LIN28B: variants seen among roughly 807,000 people sequenced by gnomAD.
LIN28B encodes lin-28 RNA binding posttranscriptional regulator B.
Under a neutral mutation model 21.9 loss-of-function variants are expected in LIN28B, and 5 were observed. The observed-to-expected ratio is 0.23, with a 90% CI of 0.12 to 0.48. The LOEUF (loss-of-function observed/expected upper bound fraction) is 0.48, where lower values mean the gene tolerates loss of function less well. LIN28B is among the 20% of genes least tolerant of loss of function. The pLI, the probability that LIN28B is intolerant of heterozygous loss-of-function variation, is 0.98. For synonymous variants in LIN28B, 109 were observed against 111.3 expected (o/e 0.98, Z 0.13); for missense variants, 245 against 310.5 (o/e 0.79, Z 1.58).
At chr6:105,009,622 C>T (rs1770883054) in intron 2 of LIN28B, among the ~76,000 whole-genome samples, 1 of 152,120 alleles carries the variant, frequency 6.6e-6, no homozygotes, top group African/African-American at 2.4e-5. Context: ...CATCAACTGT[C>T]ATTGCAATAA....
intron 2 of LIN28B, among the ~76,000 whole-genome samples, chr6:105,013,835 A>C (rs747434956): frequency 1.3e-5 from 2 of 152,064 alleles, no homozygotes; most frequent in Non-Finnish European, 2.9e-5. Flanking sequence ...CTACATTGTC[A>C]ATTTTATTGC....
intron 3 of LIN28B, among the ~76,000 whole-genome samples, chr6:105,050,459 G>A (rs1191290649): frequency 1.1e-4 from 16 of 151,504 alleles, no homozygotes; most frequent in African/African-American, 1.7e-4. Context: ...AAAATTAGCC[G>A]GGCGCGGTGG....
chr6:105,038,255 A>G (rs1159529949), intron 3 of LIN28B, among the ~76,000 whole-genome samples: 1 of 152,230 alleles, frequency 6.6e-6, no homozygotes, highest in African/African-American at 2.4e-5. Flanking sequence ...TTAGAGAAAT[A>G]GTCATTAACC....
chr6:105,048,118 C>T (rs1400469816), intron 3 of LIN28B, among the ~76,000 whole-genome samples: 1 of 152,160 alleles, frequency 6.6e-6, no homozygotes, highest in Admixed American at 6.5e-5. Flanking sequence ...GGAATGCTTC[C>T]AGTTTTTGCC....
At chr6:105,013,723 CAA>C (rs11330582) in intron 2 of LIN28B, among the ~76,000 whole-genome samples, 324 of 137,436 alleles carry the variant, frequency 2.4e-3, no homozygotes, top group Middle Eastern at 3.8e-3. Flanking sequence ...GACCCTGTCT[CAA>C]AAAAAAAAAA....
chr6:104,960,571 A>G (rs1769718982), intron 2 of LIN28B, among the ~76,000 whole-genome samples: 1 of 151,984 alleles, frequency 6.6e-6, no homozygotes, highest in Non-Finnish European at 1.5e-5. Flanking sequence ...TATATGACAT[A>G]GTTTTTTTTG....
intron 2 of LIN28B, among the ~76,000 whole-genome samples, chr6:104,960,306 A>G (rs1769704604): frequency 6.6e-6 from 1 of 152,196 alleles, no homozygotes; most frequent in Non-Finnish European, 1.5e-5. Flanking sequence ...AACTACAAGT[A>G]ACAGATGGTT....
intron 2 of LIN28B, among the ~76,000 whole-genome samples, chr6:104,945,346 T>G (rs900845826): frequency 1.3e-5 from 2 of 152,082 alleles, no homozygotes; most frequent in African/African-American, 4.8e-5. Context: ...TTGAAAATAT[T>G]TAGAATACAC....
At chr6:104,963,715 T>C (rs1005384191) in intron 2 of LIN28B, among the ~76,000 whole-genome samples, 23 of 152,326 alleles carry the variant, frequency 1.5e-4, no homozygotes, top group African/African-American at 5.3e-4. Context: ...TTTGTTTCAA[T>C]TAATGAATGT....
intron 3 of LIN28B, among the ~76,000 whole-genome samples, chr6:105,058,323 C>T (rs532291774): frequency 6.6e-6 from 1 of 152,300 alleles, no homozygotes; most frequent in South Asian, 2.1e-4. Context: ...CTTTTCCCTT[C>T]TTTGAGGTAA....
At chr6:105,055,162 C>T (rs1771997949) in intron 3 of LIN28B, among the ~76,000 whole-genome samples, 1 of 152,046 alleles carries the variant, frequency 6.6e-6, no homozygotes, top group South Asian at 2.1e-4. Flanking sequence ...TTCGGTTTCT[C>T]TGAGCTTTTT....
chr6:105,029,825 G>T (rs576589346), intron 3 of LIN28B, among the ~76,000 whole-genome samples: 1 of 152,252 alleles, frequency 6.6e-6, no homozygotes, highest in East Asian at 1.9e-4. Flanking sequence ...AATGACAAAG[G>T]GCACTGGAGA....
At chr6:105,071,312 G>T (rs568360460) in intron 3 of LIN28B, among the ~76,000 whole-genome samples, 58 of 152,162 alleles carry the variant, frequency 3.8e-4, no homozygotes, top group Middle Eastern at 3.4e-3. Flanking sequence ...TTGTCTTGGA[G>T]ATCTTTGCAT....
At chr6:104,995,820 C>G (rs1770587115) in intron 2 of LIN28B, among the ~76,000 whole-genome samples, 1 of 151,644 alleles carries the variant, frequency 6.6e-6, no homozygotes, top group Non-Finnish European at 1.5e-5. Context: ...ACATGATGAA[C>G]TAAATATAAA....
chr6:105,055,719 T>C (rs1772008399), intron 3 of LIN28B, among the ~76,000 whole-genome samples: 2 of 152,154 alleles, frequency 1.3e-5, no homozygotes, highest in Admixed American at 1.3e-4. Flanking sequence ...ATTGTAGTTT[T>C]CAGCTCTAAT....
At chr6:105,020,164 A>T (rs1420797383) in intron 2 of LIN28B, among the ~76,000 whole-genome samples, 1 of 121,514 alleles carries the variant, frequency 8.2e-6, no homozygotes, top group Admixed American at 1.1e-4. Flanking sequence ...CCCAGGTTGG[A>T]GTGCAGTGGC....
At chr6:104,994,787 G>GT (rs1279293731) in intron 2 of LIN28B, among the ~76,000 whole-genome samples, 1 of 152,198 alleles carries the variant, frequency 6.6e-6, no homozygotes, top group Non-Finnish European at 1.5e-5. Flanking sequence ...GGTTGAAGAG[G>GT]TAAGAGGGAT....
intron 3 of LIN28B, among the ~76,000 whole-genome samples, chr6:105,070,627 C>CACACACACACAT (rs1345589289): frequency 6.6e-6 from 1 of 151,132 alleles, no homozygotes; most frequent in African/African-American, 2.4e-5. Context: ...CACACACACA[C>CACACACACACAT]ACACACACAC....
intron 3 of LIN28B, among the ~76,000 whole-genome samples, chr6:105,030,622 A>G (rs1487356772): frequency 1.7e-5 from 2 of 120,652 alleles, no homozygotes; most frequent in Admixed American, 2.0e-4. Context: ...TTGGAGACAG[A>G]GTTTGCTCTT....
Sources: gnomAD v4.1 joint callset for allele counts (sites outside exome capture counted in the v4.1 genomes callset) on GRCh38, gnomAD v4.1.1 for gene constraint, MANE v1.5 for transcripts, NCBI Gene and HGNC (gene_info 2026-07-23, HGNC 2026-07-21) for gene names.